Variants in AGBL4 observed in about 807,000 individuals in gnomAD.
AGBL4 encodes AGBL carboxypeptidase 4.
Under a neutral mutation model 66.4 loss-of-function variants are expected in AGBL4, and 58 were observed. The ratio of observed to expected loss-of-function variants is 0.87; its 90% CI spans 0.71 to 1.09. AGBL4 has a LOEUF of 1.09. AGBL4 is among the 50% of genes least tolerant of loss of function. The pLI is 0.00. For synonymous variants in AGBL4, 234 were observed against 222.9 expected (o/e 1.05, Z -0.44); for missense variants, 579 against 631.0 (o/e 0.92, Z 0.88).
intron 2 of AGBL4, chr1:49,841,819 A>C: frequency 2.7e-6 from 1 of 369,176 alleles, no homozygotes; most frequent in Non-Finnish European, 5.0e-6. Flanking sequence ...AAAAAATCCC[A>C]CCGGCACCAC....
At position 49,291,475 on chromosome 1, in the gene AGBL4, C is replaced by T. The variant is rs12067082; in HGVS notation, c.283-45611G>A. Among the ~76,000 whole-genome samples, 298 of 152,248 alleles carry T rather than the reference C, an allele frequency of 2.0e-3. 4 individuals carry two copies. The highest frequency in any genetic ancestry group is 6.7e-3 in the African/African-American group (279 of 41,540). On this transcript the variant is annotated intron_variant, in intron 3 of 13. Transcript: ENST00000371839. ...TAGACTGTGGTATAACAATATTATA[C>T]ATCAGTGAGAAATAAGCTATTGCTA...
intron 3 of AGBL4, among the ~76,000 whole-genome samples, chr1:49,321,166 A>G (rs1645126404): frequency 6.6e-6 from 1 of 152,192 alleles, no homozygotes; most frequent in Non-Finnish European, 1.5e-5. Context: ...GTTAGGACCT[A>G]CAGAACCTAC....
chr1:48,559,051 C>T lies in AGBL4; in HGVS notation c.1268-19313G>A, dbSNP rs150755269. On this transcript the variant is annotated intron_variant, in intron 11 of 13. Transcript: ENST00000371839. The stretch of plus-strand genomic sequence containing the variant: ...GAACAGGGGCAGATTGTTCTTATAC[C>T]GGGATAGGGTCATAGAATATTGATT... Among the ~76,000 whole-genome samples, 54 of 152,170 alleles carry T rather than the reference C, an allele frequency of 3.5e-4. 1 individual carries two copies. In the East Asian group the frequency reaches 9.3e-3, roughly 26 times the overall value.
intron 11 of AGBL4, among the ~76,000 whole-genome samples, chr1:48,574,542 T>C (rs897897409): frequency 1.4e-4 from 21 of 151,576 alleles, no homozygotes; most frequent in South Asian, 6.2e-4. Context: ...CTTTTCTTTT[T>C]TTTTTTTTTG....
At chr1:49,210,714 T>G (rs1431064264) in intron 4 of AGBL4, among the ~76,000 whole-genome samples, 6 of 151,944 alleles carry the variant, frequency 3.9e-5, no homozygotes, top group African/African-American at 9.7e-5. Context: ...TGAAAATAAA[T>G]GTTGCCCCTT....
At chr1:49,090,434 A>C (rs1020389811) in intron 4 of AGBL4, among the ~76,000 whole-genome samples, 1 of 152,170 alleles carries the variant, frequency 6.6e-6, no homozygotes, top group African/African-American at 2.4e-5. Flanking sequence ...GCATTTCTGT[A>C]CACCAACAAT....
intron 3 of AGBL4, among the ~76,000 whole-genome samples, chr1:49,563,524 G>C (rs1644109321): frequency 6.6e-6 from 1 of 152,168 alleles, no homozygotes; most frequent in Non-Finnish European, 1.5e-5. Context: ...ATGAAGCGTT[G>C]TTGAAGTTTG....
intron 4 of AGBL4, among the ~76,000 whole-genome samples, chr1:49,115,109 G>T (rs2148029650): frequency 6.6e-6 from 1 of 152,174 alleles, no homozygotes; most frequent in Non-Finnish European, 1.5e-5. Flanking sequence ...GTGCAATAAA[G>T]CAAAATGCTA....
chr1:48,523,775 T>C, the AGBL4 span, among the ~76,000 whole-genome samples: 2 of 152,134 alleles, frequency 1.3e-5, no homozygotes, highest in South Asian at 4.1e-4. Context: ...GAGAAATGCA[T>C]TGTTAGGTGA....
At chr1:49,200,127 C>T (rs112286651) in intron 4 of AGBL4, among the ~76,000 whole-genome samples, 25 of 152,230 alleles carry the variant, frequency 1.6e-4, no homozygotes, top group Non-Finnish European at 2.9e-4. Context: ...CAGGGTGCCT[C>T]CTGCATCTGC....
At chr1:49,549,257 C>CT (rs888556135) in intron 3 of AGBL4, among the ~76,000 whole-genome samples, 135 of 141,904 alleles carry the variant, frequency 9.5e-4, no homozygotes, top group East Asian at 4.5e-3. Context: ...ATCTTTGTAT[C>CT]TTTTTTTTTT....
chr1:48,653,740 A>G (rs773953977), intron 7 of AGBL4, among the ~76,000 whole-genome samples: 8 of 152,172 alleles, frequency 5.3e-5, no homozygotes, highest in Non-Finnish European at 8.8e-5. Context: ...GAATGATGAT[A>G]TTTGAGCTGT....
At chr1:49,388,782 T>C (rs144113094) in intron 3 of AGBL4, among the ~76,000 whole-genome samples, 8 of 152,244 alleles carry the variant, frequency 5.3e-5, no homozygotes, top group Middle Eastern at 3.4e-3. Context: ...CTGGGTTCCC[T>C]ACTAGTGAGT....
intron 6 of AGBL4, among the ~76,000 whole-genome samples, chr1:48,686,263 A>G (rs1364552706): frequency 6.6e-6 from 1 of 152,124 alleles, no homozygotes; most frequent in Non-Finnish European, 1.5e-5. Context: ...CTGAATCCCC[A>G]CAGTCCACGC....
chr1:49,460,552 G>A (rs1646489527), intron 3 of AGBL4, among the ~76,000 whole-genome samples: 1 of 151,546 alleles, frequency 6.6e-6, no homozygotes, highest in African/African-American at 2.4e-5. Flanking sequence ...TTGCCATTTT[G>A]TATTGGCATT....
intron 6 of AGBL4, among the ~76,000 whole-genome samples, chr1:48,856,430 C>T (rs1647154527): frequency 6.6e-6 from 1 of 152,124 alleles, no homozygotes; most frequent in Non-Finnish European, 1.5e-5. Context: ...TTTTTCTTCT[C>T]TAAAGATGAT....
At chr1:48,574,201 C>T (rs1345100527) in intron 11 of AGBL4, among the ~76,000 whole-genome samples, 1 of 152,134 alleles carries the variant, frequency 6.6e-6, no homozygotes, top group Admixed American at 6.5e-5. Context: ...GAGGATATTG[C>T]CCCACCACCT....
rs143257472 is a variant in AGBL4, at chr1:48,669,934, C to A, written c.635-6693G>T. Among the ~76,000 whole-genome samples, 665 of 152,292 alleles carry A rather than the reference C, an allele frequency of 4.4e-3. 5 individuals are homozygous for A. The highest frequency in any genetic ancestry group is 7.5e-3 in the Non-Finnish European group (507 of 68,026). On this transcript the variant is annotated intron_variant, in intron 6 of 13. Transcript: ENST00000371839. ...CCCATTCCCTCCCGTAGGCTCAGAT[C>A]TCCCATGGCCTAAAATCTCATATCT...
chr1:50,000,614 T>C (rs1660675149), intron 1 of AGBL4, among the ~76,000 whole-genome samples: 1 of 152,098 alleles, frequency 6.6e-6, no homozygotes, highest in African/African-American at 2.4e-5. Flanking sequence ...AAAAAGACAC[T>C]TGTACAGGCA....
Sources: allele counts gnomAD v4.1 joint callset (sites outside exome capture counted in the v4.1 genomes callset), GRCh38; gene constraint gnomAD v4.1.1; transcripts MANE v1.5; gene names NCBI Gene and HGNC (gene_info 2026-07-23, HGNC 2026-07-21).